Variants in ZNF248 observed in about 807,000 individuals in gnomAD.
ZNF248 encodes KRAB protein domain.
A neutral mutation model predicts 44.3 loss-of-function variants in ZNF248; 20 were observed. The observed-to-expected ratio is 0.45, with a 90% CI of 0.32 to 0.66. The LOEUF is 0.66. Ranked by LOEUF, ZNF248 falls within the 30% of genes least tolerant of loss-of-function variation. The pLI is 0.04. For missense variants in ZNF248, 654 were observed against 677.0 expected, an observed-to-expected ratio of 0.97 and a Z score of 0.38; for synonymous variants, 224 against 229.0, an observed-to-expected ratio of 0.98 and a Z score of 0.20.
intron 6 of ZNF248, among the ~76,000 whole-genome samples, chr10:37,808,209 A>T (rs1208687): frequency 0.06 from 9,100 of 151,786 alleles, 350 homozygotes; most frequent in Middle Eastern, 0.098. Context: ...ACAGAAAAAA[A>T]TCCTGCTTGG....
the ZNF248 span, among the ~76,000 whole-genome samples, chr10:37,766,722 CT>C: frequency 5.9e-5 from 9 of 152,174 alleles, no homozygotes. Flanking sequence ...AGTATCTCTC[CT>C]CCTCCAAAGG....
intron 6 of ZNF248, among the ~76,000 whole-genome samples, chr10:37,789,256 C>A (rs1044336376): frequency 6.6e-6 from 1 of 151,526 alleles, no homozygotes; most frequent in Non-Finnish European, 1.5e-5. Context: ...GAATTGTACA[C>A]AGTGGATGAA....
chr10:37,825,712 A>T (rs906274278), downstream of ZNF248, among the ~76,000 whole-genome samples: 7 of 152,120 alleles, frequency 4.6e-5, no homozygotes, highest in African/African-American at 1.4e-4. Flanking sequence ...AAGTGCTGGG[A>T]TTAGAGGCAT....
rs1208727 is a variant in ZNF248 at position 37,829,251 on chromosome 10, C to A, written c.*2364G>T. 77,576 of 985,410 alleles carry A rather than the reference C, an allele frequency of 0.079. 3,256 individuals carry two copies. Among genetic ancestry groups the A allele is most frequent in the Non-Finnish European group, 0.086 (71,518 of 829,934 alleles). 61.0% of individuals were successfully genotyped at this position (985,410 alleles called of 1,614,324 possible). ...ACTGGGCTCTGGTAACACTGTTTCC[C>A]TCCTTGCCCTTCAAGGCTCAGAATG... On this transcript the variant is annotated 3_prime_UTR_variant, in exon 6 of 6. Transcript: ENST00000395867.
downstream of ZNF248, among the ~76,000 whole-genome samples, chr10:37,773,583 G>C (rs1051939391): frequency 6.6e-6 from 1 of 152,080 alleles, no homozygotes; most frequent in African/African-American, 2.4e-5. Context: ...TAAACAACAG[G>C]AATTTATTTG....
chr10:37,817,553 A>G (rs922514216), intron 6 of ZNF248, among the ~76,000 whole-genome samples: 16 of 152,190 alleles, frequency 1.1e-4, no homozygotes, highest in African/African-American at 3.6e-4. Flanking sequence ...CCTACTGAGG[A>G]GGGAAGCAAT....
chr10:37,803,366 C>T (rs1049229911), intron 6 of ZNF248: 2 of 152,176 alleles, frequency 1.3e-5, no homozygotes, highest in African/African-American at 4.8e-5. Flanking sequence ...ACTGTGTCCT[C>T]ACAGTCCTCA....
At chr10:37,786,136 T>C (rs1380366707) in intron 6 of ZNF248, among the ~76,000 whole-genome samples, 2 of 152,156 alleles carry the variant, frequency 1.3e-5, no homozygotes, top group Non-Finnish European at 2.9e-5. Context: ...CTGATCAAGC[T>C]CCTGCTAAAT....
At chr10:37,798,914 GA>G (rs2049471674) in intron 6 of ZNF248, among the ~76,000 whole-genome samples, 1 of 151,864 alleles carries the variant, frequency 6.6e-6, no homozygotes, top group South Asian at 2.1e-4. Context: ...TGCACACACA[GA>G]AAAATAAAAA....
intron 3 of ZNF248, among the ~76,000 whole-genome samples, chr10:37,847,903 A>G (rs1272627806): frequency 2.0e-5 from 3 of 152,228 alleles, no homozygotes; most frequent in Non-Finnish European, 4.4e-5. Flanking sequence ...CAAAATAAAA[A>G]GCTAAAAGAA....
At chr10:37,846,867 A>G (rs189894978) in intron 3 of ZNF248, among the ~76,000 whole-genome samples, 1 of 152,370 alleles carries the variant, frequency 6.6e-6, no homozygotes, top group African/African-American at 2.4e-5. Flanking sequence ...GTAAATAAAG[A>G]TATGGAGAAG....
At chr10:37,777,249 C>G (rs1588947720) in intron 6 of ZNF248, among the ~76,000 whole-genome samples, 1 of 152,252 alleles carries the variant, frequency 6.6e-6, no homozygotes, top group African/African-American at 2.4e-5. Context: ...CAAACTGCAA[C>G]GACCACAAAA....
At chr10:37,781,713 G>T (rs1254368216) in intron 6 of ZNF248, among the ~76,000 whole-genome samples, 5 of 152,184 alleles carry the variant, frequency 3.3e-5, no homozygotes, top group Admixed American at 3.3e-4. Flanking sequence ...TGAGGCTTAG[G>T]TGACTATAGT....
chr10:37,814,547 A>C (rs2052112191), intron 6 of ZNF248, among the ~76,000 whole-genome samples: 1 of 152,124 alleles, frequency 6.6e-6, no homozygotes, highest in Admixed American at 6.5e-5. Context: ...GACTCTTTTC[A>C]GCTTTCTTGC....
intron 6 of ZNF248, among the ~76,000 whole-genome samples, chr10:37,788,934 C>T (rs917969479): frequency 6.6e-6 from 1 of 151,512 alleles, no homozygotes; most frequent in Non-Finnish European, 1.5e-5. Context: ...TGCAGTGGCA[C>T]AACGTTGGCT....
intron 6 of ZNF248, among the ~76,000 whole-genome samples, chr10:37,814,046 T>C (rs1295851748): frequency 6.6e-6 from 1 of 152,110 alleles, no homozygotes; most frequent in Non-Finnish European, 1.5e-5. Flanking sequence ...GATCTACATC[T>C]ATCATTGCGC....
At chr10:37,837,190 T>C (rs2134087717) in intron 5 of ZNF248, among the ~76,000 whole-genome samples, 1 of 152,188 alleles carries the variant, frequency 6.6e-6, no homozygotes, top group Admixed American at 6.5e-5. Flanking sequence ...CTCGGCTCAC[T>C]GCAACCTCCA....
chr10:37,766,585 T>A, the ZNF248 span, among the ~76,000 whole-genome samples: 1 of 152,102 alleles, frequency 6.6e-6, no homozygotes, highest in Non-Finnish European at 1.5e-5. Context: ...GAAGGAAAAC[T>A]AACAAACAGA....
At chr10:37,810,932 T>C (rs2051390282) in intron 6 of ZNF248, among the ~76,000 whole-genome samples, 1 of 152,220 alleles carries the variant, frequency 6.6e-6, no homozygotes, top group Non-Finnish European at 1.5e-5. Flanking sequence ...AAATATCATG[T>C]AAAGCTAATC....
Sources: allele counts gnomAD v4.1 joint callset (sites outside exome capture counted in the v4.1 genomes callset), GRCh38; gene constraint gnomAD v4.1.1; transcripts MANE v1.5; gene names NCBI Gene and HGNC (gene_info 2026-07-23, HGNC 2026-07-21).